The following GPD1L variants were observed in gnomAD, a reference collection of about 807,000 sequenced individuals.
The protein encoded by GPD1L is glycerol-3-phosphate dehydrogenase 1-like protein.
Under a neutral mutation model 32.9 loss-of-function variants are expected in GPD1L, and 17 were observed. That is an observed-to-expected ratio of 0.52 (90% CI 0.35 to 0.78). GPD1L has a LOEUF of 0.78. GPD1L is among the 30% of genes least tolerant of loss of function. The probability of loss-of-function intolerance (pLI) is 0.01; values close to 1 mark genes in which losing one functional copy is unlikely to be tolerated. For missense variants in GPD1L, 361 were observed against 447.8 expected (o/e 0.81, Z 1.75); for synonymous variants, 187 against 165.9 (o/e 1.13, Z -0.98).
Position 32,166,318 on chromosome 3 carries a change from G to A in GPD1L, c.*408G>A. The A allele has an allele frequency of 3.4e-6, 1 of 290,960 alleles. No individual in the cohort carries two copies. The highest frequency in any genetic ancestry group is 6.6e-6 in the Non-Finnish European group (1 of 150,848). The allele number at this position is 290,960 out of a possible 1,614,324, so 18.0% of individuals were successfully genotyped here. A position where few individuals can be genotyped will look rare whatever the true frequency, so the allele number is the denominator to read the frequency against. On this transcript the variant is annotated 3_prime_UTR_variant, in exon 8 of 8. Transcript: ENST00000282541. The stretch of plus-strand genomic sequence containing the variant: ...TTTTTCTAGTGTTAAATTTTAACCA[G>A]CATTAACATGGTAGAGTGGAGGAGT...
chr3:32,110,409 G>A (rs1228364336), intron 1 of GPD1L, among the ~76,000 whole-genome samples: 1 of 152,210 alleles, frequency 6.6e-6, no homozygotes, highest in Non-Finnish European at 1.5e-5. Flanking sequence ...CCTCAGGAAT[G>A]TCAAGTTGCT....
chr3:32,154,891 G>A (rs1700966402), intron 5 of GPD1L, among the ~76,000 whole-genome samples: 1 of 151,998 alleles, frequency 6.6e-6, no homozygotes, highest in Non-Finnish European at 1.5e-5. Context: ...GGGACGAAAG[G>A]TGCATGCCAC....
chr3:32,146,244 G>A (rs1021541305), intron 4 of GPD1L, among the ~76,000 whole-genome samples: 6 of 151,756 alleles, frequency 4.0e-5, no homozygotes, highest in Non-Finnish European at 1.5e-5. Context: ...GTGCCACCAC[G>A]CCCAGCTAAT....
At position 32,162,447 on chromosome 3, in the gene GPD1L, G is replaced by A. The variant is rs1316548609; in HGVS notation, c.959+2773G>A. ...AGGCCGGACTGCGGACTGCAGTGGC[G>A]CAATCTCGGCTCACTGCAAGCTCCG... On this transcript the variant is annotated intron_variant, in intron 7 of 7. Transcript: ENST00000282541. Among the ~76,000 whole-genome samples the A allele has an allele frequency of 1.6e-5, 2 of 122,806 alleles. 1 individual carries two copies. Among genetic ancestry groups the A allele is most frequent in the Non-Finnish European group, 3.3e-5 (2 of 60,940 alleles). The allele number at this position is 122,806 out of a possible 152,430, so 80.6% of individuals were successfully genotyped here.
intron 5 of GPD1L, among the ~76,000 whole-genome samples, chr3:32,149,369 G>A (rs931491571): frequency 1.3e-5 from 2 of 152,090 alleles, no homozygotes; most frequent in African/African-American, 4.8e-5. Context: ...CCATTGATGT[G>A]TTTTACTTTT....
intron 1 of GPD1L, among the ~76,000 whole-genome samples, chr3:32,112,595 C>G (rs1700268158): frequency 6.6e-6 from 1 of 152,140 alleles, no homozygotes; most frequent in South Asian, 2.1e-4. Flanking sequence ...CAAGATGGCA[C>G]CATTGCACTC....
chr3:32,138,579 G>T lies in GPD1L; in HGVS notation c.226-8G>T. 6.2e-7 allele frequency: 1 copy of T among 1,613,872 alleles called. No homozygotes were observed. The highest frequency in any genetic ancestry group is 1.1e-5 in the South Asian group (1 of 91,062). ...GGAGAAACGGTCTTCTCTGCCTTTTGGTTGCAGGTTGCCATGTCAAATCTT... is the reference window on the plus strand; with the variant it reads ...GGAGAAACGGTCTTCTCTGCCTTTTTGTTGCAGGTTGCCATGTCAAATCTT... On this transcript the variant is annotated splice_region_variant and splice_polypyrimidine_tract_variant and intron_variant, in intron 2 of 7. Transcript: ENST00000282541.
chr3:32,158,788 C>T, intron 5 of GPD1L, 88 bp from the exon 6 acceptor site: 1 of 1,555,038 alleles, frequency 6.4e-7, no homozygotes, highest in East Asian at 2.4e-5. Context: ...CCTGGTCTGC[C>T]CCTGCCTCGG....
chr3:32,120,146 T>C (rs1700389003), intron 1 of GPD1L, among the ~76,000 whole-genome samples: 1 of 152,134 alleles, frequency 6.6e-6, no homozygotes, highest in South Asian at 2.1e-4. Context: ...GGTGAAACCC[T>C]GTCTCTACTA....
In GPD1L at chr3:32,140,184, G is replaced by C. The variant is rs746555468; in HGVS notation, c.367-44G>C. On this transcript the variant is annotated intron_variant, in intron 3 of 7. Transcript: ENST00000282541. ...GACATCTACTATCCCATGCCTCTTT[G>C]ATTTGGCGGTTTGTTCTCTCCTAAC... The C allele has an allele frequency of 4.3e-6, 7 of 1,611,438 alleles. No individual in the cohort carries two copies. The African/African-American group carries it at 9.4e-5, about 22-fold the overall frequency.
chr3:32,130,017 C>G (rs777820832), intron 2 of GPD1L, among the ~76,000 whole-genome samples: 1 of 152,184 alleles, frequency 6.6e-6, no homozygotes, highest in Non-Finnish European at 1.5e-5. Flanking sequence ...ACCTTGCTTT[C>G]TGGTTCTTCA....
In GPD1L at chr3:32,159,067, G is replaced by A. The variant is rs945877751; in HGVS notation, c.810G>A (p.Gly270=). 2.5e-6 allele frequency: 4 copies of A among 1,613,664 alleles called. No individual in the cohort carries two copies. In the African/African-American group the frequency reaches 4.0e-5, roughly 16 times the overall value. The part of the protein sequence containing the change: ...VADLITTCYG[G]RNRRVAEAFA... ...ACCTGATCACCACCTGTTACGGAGG[G>A]CGGAACCGCAGGGTGGCCGAGGCCT... Residue 270 remains glycine (G), a synonymous_variant, in exon 6 of 8, where the codon GGG becomes GGA. Coordinates refer to ENST00000282541, the MANE Select transcript of GPD1L (RefSeq NM_015141.4).
At chr3:32,137,730 G>A (rs75636816) in intron 2 of GPD1L, among the ~76,000 whole-genome samples, 4,502 of 152,248 alleles carry the variant, frequency 0.03, 315 homozygotes, top group East Asian at 0.25. Flanking sequence ...CACTTCTGCC[G>A]TGTTAAACTA....
intron 2 of GPD1L, among the ~76,000 whole-genome samples, chr3:32,130,192 C>G (rs969529868): frequency 5.3e-5 from 8 of 152,070 alleles, no homozygotes; most frequent in African/African-American, 1.2e-4. Flanking sequence ...GCCTGCCCCC[C>G]ACTTGACTGA....
chr3:32,123,547 A>G (rs888597827), intron 1 of GPD1L, among the ~76,000 whole-genome samples: 1 of 152,106 alleles, frequency 6.6e-6, no homozygotes, highest in Non-Finnish European at 1.5e-5. Flanking sequence ...GGATTCGATC[A>G]TAGACCTGGA....
chr3:32,118,771 C>A (rs960442007), intron 1 of GPD1L, among the ~76,000 whole-genome samples: 2 of 151,936 alleles, frequency 1.3e-5, no homozygotes, highest in African/African-American at 4.8e-5. Context: ...GACAGTTCCT[C>A]AATCCACTCT....
At chr3:32,133,643 T>A (rs993891867) in intron 2 of GPD1L, among the ~76,000 whole-genome samples, 2 of 152,164 alleles carry the variant, frequency 1.3e-5, no homozygotes, top group African/African-American at 4.8e-5. Context: ...TTTATAGTCA[T>A]GAATGAATGG....
At chr3:32,109,662 C>T (rs933121583) in intron 1 of GPD1L, among the ~76,000 whole-genome samples, 1 of 152,238 alleles carries the variant, frequency 6.6e-6, no homozygotes, top group African/African-American at 2.4e-5. Flanking sequence ...GATTCAGGAA[C>T]TCAGAAACTG....
At chr3:32,123,440 C>T (rs1309496897) in intron 1 of GPD1L, among the ~76,000 whole-genome samples, 2 of 152,160 alleles carry the variant, frequency 1.3e-5, no homozygotes, top group African/African-American at 4.8e-5. Flanking sequence ...ATTCTGCACT[C>T]GCTCAGGACC....
Sources: gnomAD v4.1 joint callset for allele counts (sites outside exome capture counted in the v4.1 genomes callset) on GRCh38, gnomAD v4.1.1 for gene constraint, MANE v1.5 for transcripts, NCBI Gene and HGNC (gene_info 2026-07-23, HGNC 2026-07-21) for gene names.